The following CFAP61 variants were observed in gnomAD, a reference collection of about 807,000 sequenced individuals.
CFAP61 encodes the protein cilia and flagella associated protein 61.
A neutral mutation model predicts 135.6 loss-of-function variants in CFAP61; 107 were observed. The ratio of observed to expected loss-of-function variants is 0.79; its 90% confidence interval spans 0.67 to 0.93. The LOEUF (loss-of-function observed/expected upper bound fraction) is 0.93. Ranked by LOEUF, CFAP61 falls within the 40% of genes least tolerant of loss-of-function variation. The pLI is 0.00. For missense variants in CFAP61, 1,507 were observed against 1,556.2 expected (o/e 0.97, Z 0.53); for synonymous variants, 575 against 578.5 (o/e 0.99, Z 0.09).
At chr20:20,082,681 C>T (rs2046512313) in intron 6 of CFAP61, among the ~76,000 whole-genome samples, 1 of 152,188 alleles carries the variant, frequency 6.6e-6, no homozygotes, top group East Asian at 1.9e-4. Context: ...TGGAGTATTG[C>T]TTCTTTGTTG....
intron 21 of CFAP61, among the ~76,000 whole-genome samples, chr20:20,266,178 T>G (rs530704907): frequency 7.2e-5 from 11 of 152,220 alleles, no homozygotes; most frequent in Non-Finnish European, 1.2e-4. Context: ...AAATACAAAT[T>G]CATGCCAAAT....
chr20:20,134,171 A>G (rs1008760693), intron 8 of CFAP61, among the ~76,000 whole-genome samples: 20 of 152,230 alleles, frequency 1.3e-4, no homozygotes, highest in African/African-American at 4.3e-4. Flanking sequence ...TCATCTTGAG[A>G]GCATCCACAT....
chr20:20,173,493 C>T (rs1296320215), intron 13 of CFAP61, among the ~76,000 whole-genome samples: 2 of 152,168 alleles, frequency 1.3e-5, no homozygotes, highest in African/African-American at 4.8e-5. Flanking sequence ...GTTAGTGTTA[C>T]CTCACTGTTT....
intron 22 of CFAP61, among the ~76,000 whole-genome samples, chr20:20,284,487 G>A (rs1027039355): frequency 7.9e-5 from 12 of 151,914 alleles, no homozygotes; most frequent in African/African-American, 2.9e-4. Flanking sequence ...GGGTTTCACC[G>A]TGTTATCCAG....
chr20:20,143,935 C>T (rs2328495), intron 9 of CFAP61, among the ~76,000 whole-genome samples: 137,293 of 152,242 alleles, frequency 0.9, 62,719 homozygotes, highest in Middle Eastern at 0.99. Context: ...GTGCCCATGC[C>T]TGTACAAAGT....
intron 6 of CFAP61, among the ~76,000 whole-genome samples, chr20:20,088,430 A>G (rs2046955917): frequency 6.6e-6 from 1 of 152,160 alleles, no homozygotes. Flanking sequence ...AAGCAAACAC[A>G]TCTTTCTTCA....
intron 9 of CFAP61, among the ~76,000 whole-genome samples, chr20:20,151,008 C>A (rs12481094): frequency 0.13 from 19,425 of 152,014 alleles, 1,418 homozygotes; most frequent in Non-Finnish European, 0.15. Flanking sequence ...TCTGTAACAC[C>A]CCCAAAAGAC....
intron 21 of CFAP61, among the ~76,000 whole-genome samples, chr20:20,276,208 C>T (rs945036940): frequency 1.4e-4 from 21 of 152,342 alleles, no homozygotes; most frequent in African/African-American, 5.1e-4. Context: ...AATTAATACA[C>T]TTGCCATTTA....
intron 6 of CFAP61, among the ~76,000 whole-genome samples, chr20:20,089,827 A>G (rs1200900067): frequency 6.6e-6 from 1 of 152,158 alleles, no homozygotes; most frequent in Non-Finnish European, 1.5e-5. Context: ...AGCGGAGTGG[A>G]TGTCCCCAGG....
rs780751239 is a variant in CFAP61 at position 20,166,347 on chromosome 20, T to C, written c.1206-50T>C. ...GTAAATCTCTGTAAACGTCCACTGA[T>C]GTTGCATTTGCTTGCAGGGCACTGA... On this transcript the variant is annotated intron_variant, in intron 11 of 26. Transcript: ENST00000245957. 14 of 1,491,282 alleles carry C rather than the reference T, an allele frequency of 9.4e-6. No homozygotes were observed. The East Asian group carries it at 3.2e-4, about 34-fold the overall frequency. The allele number at this position is 1,491,282 out of a possible 1,614,324, so 92.4% of individuals were successfully genotyped here.
intron 15 of CFAP61, 86 bp downstream of exon 15, chr20:20,191,505 T>C (rs544604172): frequency 2.3e-6 from 2 of 880,832 alleles, no homozygotes; most frequent in African/African-American, 1.7e-5. Flanking sequence ...GGAGTTGTAC[T>C]TTTACTTATT....
chr20:20,244,071 C>A (rs1262406677), intron 18 of CFAP61, among the ~76,000 whole-genome samples: 1 of 152,234 alleles, frequency 6.6e-6, no homozygotes, highest in Non-Finnish European at 1.5e-5. Flanking sequence ...GGCAGCTCCA[C>A]CCCTGTGGCT....
chr20:20,313,898 G>A (rs1490344187), intron 25 of CFAP61, among the ~76,000 whole-genome samples: 2 of 152,148 alleles, frequency 1.3e-5, no homozygotes, highest in African/African-American at 4.8e-5. Context: ...GTGCCAAGGG[G>A]CACTCTGGCT....
intron 25 of CFAP61, among the ~76,000 whole-genome samples, chr20:20,320,336 TATATATATGTA>T (rs1166239004): frequency 3.6e-4 from 36 of 99,286 alleles, no homozygotes; most frequent in African/African-American, 1.5e-3. Flanking sequence ...ATATATATAT[TATATATATGTA>T]ATATATATAA....
At chr20:20,219,184 C>T (rs940641427) in intron 17 of CFAP61, among the ~76,000 whole-genome samples, 1 of 152,218 alleles carries the variant, frequency 6.6e-6, no homozygotes, top group African/African-American at 2.4e-5. Flanking sequence ...AACTTACCCA[C>T]TCTGTCTAGC....
intron 20 of CFAP61, among the ~76,000 whole-genome samples, chr20:20,261,011 T>C (rs2052140917): frequency 6.6e-6 from 1 of 152,242 alleles, no homozygotes; most frequent in Non-Finnish European, 1.5e-5. Context: ...GGGGTATTAC[T>C]AAACGAGCTA....
intron 26 of CFAP61, among the ~76,000 whole-genome samples, chr20:20,350,686 T>C (rs1268945251): frequency 6.6e-6 from 1 of 152,208 alleles, no homozygotes; most frequent in Admixed American, 6.5e-5. Flanking sequence ...AATGATTGCT[T>C]GTACAAGAAC....
rs183273614 is a variant in CFAP61, at chr20:20,159,178, C to A, written c.952-192C>A. Among the ~76,000 whole-genome samples, 587 of 152,306 alleles carry A rather than the reference C, an allele frequency of 3.9e-3. 3 individuals carry two copies. The highest frequency in any genetic ancestry group is 6.8e-3 in the Middle Eastern group (2 of 294). ...TGTCTTTATTTTATCCTCATAACAG[C>A]CTTATGAAATAGATGCTCTTCTCAT... On this transcript the variant is annotated intron_variant, in intron 9 of 26. Coordinates refer to ENST00000245957, the MANE Select transcript of CFAP61 (RefSeq NM_015585.4).
chr20:20,183,107 A>AGG (rs2055233028), intron 13 of CFAP61, among the ~76,000 whole-genome samples: 1 of 152,188 alleles, frequency 6.6e-6, no homozygotes, highest in South Asian at 2.1e-4. Context: ...TGCCAAAAAA[A>AGG]GGTCACATGT....
Sources: allele counts gnomAD v4.1 joint callset (sites outside exome capture counted in the v4.1 genomes callset), GRCh38; gene constraint gnomAD v4.1.1; transcripts MANE v1.5; gene names NCBI Gene and HGNC (gene_info 2026-07-23, HGNC 2026-07-21).